UBL3: variants seen among roughly 807,000 people sequenced by gnomAD.
UBL3 encodes the protein ubiquitin-like protein 3.
UBL3 carries 6 observed loss-of-function variants against 18.4 expected under a neutral mutation model. The observed-to-expected ratio is 0.33, with a 90% CI of 0.18 to 0.64. UBL3 has a LOEUF of 0.64. Among genes scored for constraint, UBL3 ranks in the 30% least tolerant of loss-of-function variants. The pLI is 0.76. For synonymous variants in UBL3, 49 were observed against 46.6 expected (o/e 1.05, Z -0.21); for missense variants, 109 against 142.9 (o/e 0.76, Z 1.21).
chr13:29,805,598 A>G lies in UBL3; in HGVS notation c.28-28335T>C, dbSNP rs182127566. On this transcript the variant is annotated intron_variant, in intron 1 of 4. Transcript: ENST00000380680. The stretch of plus-strand genomic sequence containing the variant: ...TCTCCTTTAACTTGGGGGGAAAATC[A>G]CTCCCTAGTACAACTGGTTTGGCTT... 1.9e-3 allele frequency among the ~76,000 whole-genome samples: 290 copies of G among 152,120 alleles called. 1 individual carries two copies. Among genetic ancestry groups the G allele is most frequent in the African/African-American group, 6.6e-3 (274 of 41,484 alleles).
rs1241855965 is a variant in UBL3 at position 29,764,474 on chromosome 13, G to GAAAT, written c.*2777_*2780dup. On this transcript the variant is annotated 3_prime_UTR_variant, in exon 5 of 5. Coordinates refer to ENST00000380680, the MANE Select transcript of UBL3 (RefSeq NM_007106.4). ...CATTGTTTACCACAATCAGCTAACA[G>GAAAT]AAATTACTGTAACATTGGTCACGAT... 1.3e-5 allele frequency: 2 copies of GAAAT among 152,174 alleles called. No homozygotes were observed. The highest frequency in any genetic ancestry group is 2.4e-5 in the African/African-American group (1 of 41,446). The allele number at this position is 152,174 out of a possible 1,614,324, so 9.4% of individuals were successfully genotyped here.
chr13:29,837,742 C>T (rs1367132600), intron 1 of UBL3, among the ~76,000 whole-genome samples: 1 of 151,764 alleles, frequency 6.6e-6, no homozygotes, highest in Non-Finnish European at 1.5e-5. Flanking sequence ...ACAGCCTGGC[C>T]AATACGGCAA....
chr13:29,818,048 A>G (rs529975769), intron 1 of UBL3, among the ~76,000 whole-genome samples: 2 of 152,318 alleles, frequency 1.3e-5, no homozygotes, highest in South Asian at 4.1e-4. Context: ...CCCCATTTCA[A>G]ATTCCTGGTA....
chr13:29,770,911 T>C (rs1876824624), intron 3 of UBL3, among the ~76,000 whole-genome samples: 1 of 152,078 alleles, frequency 6.6e-6, no homozygotes, highest in Admixed American at 6.6e-5. Context: ...CCAGTTATAA[T>C]ACTACCAGTG....
intron 2 of UBL3, among the ~76,000 whole-genome samples, chr13:29,772,470 T>C (rs976740679): frequency 5.9e-5 from 9 of 152,070 alleles, no homozygotes; most frequent in African/African-American, 1.2e-4. Flanking sequence ...TTAAAGTTAA[T>C]ACAAATGAGT....
intron 1 of UBL3, among the ~76,000 whole-genome samples, chr13:29,813,000 T>C (rs1878143935): frequency 6.6e-6 from 1 of 152,078 alleles, no homozygotes; most frequent in Non-Finnish European, 1.5e-5. Flanking sequence ...AGTGCTATTT[T>C]CTAAAGAGTC....
intron 1 of UBL3, among the ~76,000 whole-genome samples, chr13:29,803,495 G>A (rs1008467578): frequency 2.0e-5 from 3 of 151,982 alleles, no homozygotes; most frequent in Admixed American, 6.6e-5. Flanking sequence ...GTGGCAGGCC[G>A]GATAAAGAAG....
In UBL3 at chr13:29,767,199, T is replaced by C. The variant is rs370633408; in HGVS notation, c.*56A>G. ...TTCTGAAGCAATGTCGGGTCTTTTC[T>C]GTCCCAGCAGCATGAAAGACAAAGA... On this transcript the variant is annotated 3_prime_UTR_variant, in exon 5 of 5. Coordinates refer to ENST00000380680, the MANE Select transcript of UBL3 (RefSeq NM_007106.4). The C allele has an allele frequency of 1.3e-6, 2 of 1,599,848 alleles. No individual in the cohort carries two copies. Among genetic ancestry groups the C allele is most frequent in the Non-Finnish European group, 1.7e-6 (2 of 1,170,970 alleles).
At chr13:29,782,828 C>T (rs557475807) in intron 1 of UBL3, among the ~76,000 whole-genome samples, 10 of 152,312 alleles carry the variant, frequency 6.6e-5, no homozygotes, top group African/African-American at 2.2e-4. Flanking sequence ...TATAGCAAAA[C>T]TGCTTCAGGA....
chr13:29,781,828 TAAAAA>T (rs11357100), intron 1 of UBL3, among the ~76,000 whole-genome samples: 3 of 82,722 alleles, frequency 3.6e-5, no homozygotes, highest in African/African-American at 1.5e-4. Flanking sequence ...TACAAAAAAT[TAAAAA>T]AAAAAAAAAA....
intron 1 of UBL3, among the ~76,000 whole-genome samples, chr13:29,798,025 T>C: frequency 6.6e-6 from 1 of 151,526 alleles, no homozygotes; most frequent in East Asian, 1.9e-4. Context: ...GCATATTAAA[T>C]ATATATTTTT....
intron 1 of UBL3, among the ~76,000 whole-genome samples, chr13:29,838,032 A>C (rs1172138153): frequency 6.8e-6 from 1 of 147,464 alleles, no homozygotes; most frequent in Non-Finnish European, 1.5e-5. Flanking sequence ...TGTAGATTAC[A>C]AAAAAAAAAG....
intron 1 of UBL3, among the ~76,000 whole-genome samples, chr13:29,796,545 A>G (rs1232551248): frequency 6.6e-6 from 1 of 152,230 alleles, no homozygotes; most frequent in Non-Finnish European, 1.5e-5. Context: ...TTATGGTACT[A>G]CAAATAAACT....
At chr13:29,836,055 G>A (rs1019545352) in intron 1 of UBL3, among the ~76,000 whole-genome samples, 1 of 152,140 alleles carries the variant, frequency 6.6e-6, no homozygotes, top group Non-Finnish European at 1.5e-5. Flanking sequence ...AAAGTAGAAG[G>A]ATTAGTTCCA....
chr13:29,844,940 T>C (rs1363695552), intron 1 of UBL3, among the ~76,000 whole-genome samples: 1 of 8,512 alleles, frequency 1.2e-4, no homozygotes, highest in Admixed American at 6.2e-4. Flanking sequence ...GGAACAATAT[T>C]TATTTTTTTC....
chr13:29,819,334 G>T (rs901465850), intron 1 of UBL3, among the ~76,000 whole-genome samples: 2 of 152,218 alleles, frequency 1.3e-5, no homozygotes, highest in Non-Finnish European at 2.9e-5. Context: ...GCCAAGTAAG[G>T]TGATTTTGTT....
chr13:29,842,797 A>C (rs749246042), intron 1 of UBL3, among the ~76,000 whole-genome samples: 25 of 152,200 alleles, frequency 1.6e-4, no homozygotes, highest in Non-Finnish European at 3.2e-4. Context: ...TCTCTGCAAA[A>C]CATAACTAAC....
At chr13:29,831,927 T>C (rs1239861571) in intron 1 of UBL3, among the ~76,000 whole-genome samples, 1 of 152,132 alleles carries the variant, frequency 6.6e-6, no homozygotes, top group East Asian at 1.9e-4. Context: ...CACATAGATA[T>C]TTTCATTAAA....
chr13:29,801,700 C>T, intron 1 of UBL3, among the ~76,000 whole-genome samples: 1 of 152,186 alleles, frequency 6.6e-6, no homozygotes, highest in East Asian at 1.9e-4. Context: ...TTAACTATAC[C>T]TTTAGCAAGT....
Sources: allele counts gnomAD v4.1 joint callset (sites outside exome capture counted in the v4.1 genomes callset), GRCh38; gene constraint gnomAD v4.1.1; transcripts MANE v1.5; gene names NCBI Gene and HGNC (gene_info 2026-07-23, HGNC 2026-07-21).